The following CALN1 variants were observed in gnomAD, a reference collection of about 807,000 sequenced individuals.
The protein encoded by CALN1 is calneuron 1.
Under a neutral mutation model 30.6 loss-of-function variants are expected in CALN1, and 17 were observed. The observed-to-expected ratio is 0.56, with a 90% CI of 0.38 to 0.83. The LOEUF is 0.83. Ranked by LOEUF, CALN1 falls within the 40% of genes least tolerant of loss-of-function variation. The pLI is 0.00. For missense variants in CALN1, 291 were observed against 354.9 expected (o/e 0.82, Z 1.45); for synonymous variants, 156 against 131.4 (o/e 1.19, Z -1.28).
chr7:72,276,985 T>A (rs777480886), intron 3 of CALN1, among the ~76,000 whole-genome samples: 2 of 152,154 alleles, frequency 1.3e-5, no homozygotes, highest in Non-Finnish European at 2.9e-5. Flanking sequence ...TCCCCAGACA[T>A]CAAATCTGCT....
intron 5 of CALN1, among the ~76,000 whole-genome samples, chr7:71,894,722 C>T (rs1273451401): frequency 2.6e-5 from 4 of 152,020 alleles, no homozygotes; most frequent in Non-Finnish European, 5.9e-5. Flanking sequence ...AAGAAAAACC[C>T]GTAGTGTTAT....
At chr7:71,814,722 C>G (rs1788157287) in intron 5 of CALN1, among the ~76,000 whole-genome samples, 1 of 152,106 alleles carries the variant, frequency 6.6e-6, no homozygotes, top group African/African-American at 2.4e-5. Context: ...AGTTAATGAA[C>G]TTACTTCCTC....
intron 4 of CALN1, among the ~76,000 whole-genome samples, chr7:72,061,301 C>T (rs927571052): frequency 3.3e-5 from 5 of 152,158 alleles, no homozygotes; most frequent in Admixed American, 6.5e-5. Context: ...TCACCAGACG[C>T]TACAGACACA....
chr7:71,925,102 A>T (rs764913984), intron 5 of CALN1, among the ~76,000 whole-genome samples: 7 of 152,082 alleles, frequency 4.6e-5, no homozygotes, highest in Non-Finnish European at 1.0e-4. Context: ...TTAGCTGGGC[A>T]TGGTGGCACA....
intron 2 of CALN1, among the ~76,000 whole-genome samples, chr7:72,296,006 T>A (rs1205799837): frequency 6.6e-6 from 1 of 151,946 alleles, no homozygotes; most frequent in Non-Finnish European, 1.5e-5. Context: ...GGGTTTGTCA[T>A]AGATAGCTGT....
At chr7:72,484,464 A>G in the CALN1 span, among the ~76,000 whole-genome samples, 1 of 152,284 alleles carries the variant, frequency 6.6e-6, no homozygotes, top group East Asian at 1.9e-4. Flanking sequence ...AACAGGCACT[A>G]TTCCCAGTCC....
At chr7:72,382,290 T>C (rs1389127356) in intron 2 of CALN1, among the ~76,000 whole-genome samples, 1 of 152,002 alleles carries the variant, frequency 6.6e-6, no homozygotes, top group East Asian at 1.9e-4. Flanking sequence ...ATCTTGATGA[T>C]GAACGATGAG....
At chr7:72,338,180 A>G (rs1392055566) in intron 2 of CALN1, among the ~76,000 whole-genome samples, 1 of 152,050 alleles carries the variant, frequency 6.6e-6, no homozygotes, top group Non-Finnish European at 1.5e-5. Flanking sequence ...TTGTGCCAAT[A>G]AAGAAAGAGC....
chr7:72,073,959 T>C (rs1309882204), intron 4 of CALN1, among the ~76,000 whole-genome samples: 1 of 151,878 alleles, frequency 6.6e-6, no homozygotes, highest in Non-Finnish European at 1.5e-5. Flanking sequence ...CCTCACAGAG[T>C]GTTGGGATTG....
chr7:72,328,847 C>A (rs1012536470), intron 2 of CALN1, among the ~76,000 whole-genome samples: 12 of 152,248 alleles, frequency 7.9e-5, no homozygotes, highest in Non-Finnish European at 1.6e-4. Context: ...AGGCACCCAC[C>A]ACCATGCCCA....
At chr7:72,222,680 G>A (rs889106908) in intron 3 of CALN1, among the ~76,000 whole-genome samples, 2 of 152,086 alleles carry the variant, frequency 1.3e-5, no homozygotes, top group African/African-American at 4.8e-5. Flanking sequence ...TCAGGATCTT[G>A]CTTGACACAA....
At chr7:72,333,768 G>A (rs1339169807) in intron 2 of CALN1, among the ~76,000 whole-genome samples, 1 of 150,426 alleles carries the variant, frequency 6.6e-6, no homozygotes, top group Non-Finnish European at 1.5e-5. Flanking sequence ...ACGTGACAAA[G>A]AAAGGGTTTT....
intron 3 of CALN1, among the ~76,000 whole-genome samples, chr7:72,273,280 G>C (rs773280328): frequency 2.0e-5 from 3 of 151,856 alleles, no homozygotes; most frequent in Non-Finnish European, 4.4e-5. Context: ...AAATTCGCCA[G>C]GCGTGGTGGT....
intron 6 of CALN1, among the ~76,000 whole-genome samples, chr7:71,801,449 T>TATCTATCC: frequency 6.6e-6 from 1 of 151,624 alleles, no homozygotes; most frequent in Non-Finnish European, 1.5e-5. Context: ...TCTATCTATC[T>TATCTATCC]ATCTATCTAT....
At chr7:72,318,310 T>C (rs1444555637) in intron 2 of CALN1, among the ~76,000 whole-genome samples, 1 of 130,660 alleles carries the variant, frequency 7.7e-6, no homozygotes, top group East Asian at 2.0e-4. Flanking sequence ...TTTGACGCAC[T>C]TTCATTCTTC....
At chr7:71,985,272 A>G (rs1471891104) in intron 5 of CALN1, among the ~76,000 whole-genome samples, 1 of 152,176 alleles carries the variant, frequency 6.6e-6, no homozygotes, top group Non-Finnish European at 1.5e-5. Context: ...GCAAAGATTA[A>G]GTTACCAAGG....
intron 5 of CALN1, among the ~76,000 whole-genome samples, chr7:71,851,778 A>G (rs543820325): frequency 6.6e-6 from 1 of 152,130 alleles, no homozygotes; most frequent in Non-Finnish European, 1.5e-5. Flanking sequence ...GAAATATAAT[A>G]GATGCAACTC....
intron 1 of CALN1, among the ~76,000 whole-genome samples, chr7:72,418,443 T>C (rs1335967157): frequency 1.3e-5 from 2 of 152,218 alleles, no homozygotes; most frequent in African/African-American, 4.8e-5. Context: ...TGCAGGTGTC[T>C]TTTTGGTAGA....
rs754201004 is a variant in CALN1, at chr7:72,016,998, C to CAAAAAA, written c.501+6653_501+6658dup. ...CAAAACCCCGTGTTTACTAAAAATA[C>CAAAAAA]AAAAAAAAAAAAAAAAAAAGCTGGG... On this transcript the variant is annotated intron_variant, in intron 5 of 6. Transcript: ENST00000395275. Among the ~76,000 whole-genome samples the CAAAAAA allele has an allele frequency of 8.4e-3, 268 of 31,914 alleles. 30 individuals carry two copies. Among genetic ancestry groups the CAAAAAA allele is most frequent in the African/African-American group, 0.038 (247 of 6,582 alleles). The allele number at this position is 31,914 out of a possible 152,430, so 20.9% of individuals were successfully genotyped here.
Sources: gnomAD v4.1 joint callset for allele counts (sites outside exome capture counted in the v4.1 genomes callset) on GRCh38, gnomAD v4.1.1 for gene constraint, MANE v1.5 for transcripts, NCBI Gene and HGNC (gene_info 2026-07-23, HGNC 2026-07-21) for gene names.